The following DCHS2 variants were observed in gnomAD, a reference collection of about 807,000 sequenced individuals.
DCHS2 encodes the protein protocadherin-23.
Under a neutral mutation model 182.4 loss-of-function variants are expected in DCHS2, and 142 were observed. That is an observed-to-expected ratio of 0.78 (90% CI 0.68 to 0.89). DCHS2 has a LOEUF of 0.89. DCHS2 is among the 40% of genes least tolerant of loss of function. The pLI is 0.00. For missense variants in DCHS2, 4,319 were observed against 4,198.6 expected (o/e 1.03, Z -0.79); for synonymous variants, 1,740 against 1,663.3 (o/e 1.05, Z -1.12).
At chr4:154,263,148 A>T in intron 14 of DCHS2, among the ~76,000 whole-genome samples, 1 of 152,168 alleles carries the variant, frequency 6.6e-6, no homozygotes, top group East Asian at 1.9e-4. Context: ...TATTATACAT[A>T]TCAGTCTCAC....
At chr4:154,252,446 T>G (rs1732416167) in intron 16 of DCHS2, among the ~76,000 whole-genome samples, 2 of 152,122 alleles carry the variant, frequency 1.3e-5, no homozygotes, top group Non-Finnish European at 2.9e-5. Context: ...CCAACTATAT[T>G]TTGTAATCTT....
rs1282059507 is a variant in DCHS2 at position 154,320,387 on chromosome 4, T to C, written c.5012A>G (p.Glu1671Gly). Reference sequence around the variant, plus strand: ...CATATAGGGCACTGTACCTGATGACTCATCTAGCATAAACGTCATGTTTTC... The same window carrying C: ...CATATAGGGCACTGTACCTGATGACCCATCTAGCATAAACGTCATGTTTTC... ...GNENMTFMLD[E>G]SSGLLTTTCP... The change falls in exon 9 of 20, where the codon GAG becomes GGG. Residue 1671 changes from glutamate (E) to glycine (G), a missense_variant. Transcript: ENST00000357232. 7 of 1,613,128 alleles carry C rather than the reference T, an allele frequency of 4.3e-6. No homozygotes were observed. In the East Asian group the frequency reaches 1.6e-4, roughly 36 times the overall value.
chr4:154,445,092 C>T (rs1199251974), intron 1 of DCHS2, among the ~76,000 whole-genome samples: 1 of 152,160 alleles, frequency 6.6e-6, no homozygotes, highest in East Asian at 1.9e-4. Flanking sequence ...CGTCTCCTCA[C>T]CCTGCTTTAA....
intron 1 of DCHS2, among the ~76,000 whole-genome samples, chr4:154,423,952 A>C (rs1733214645): frequency 6.6e-6 from 1 of 152,212 alleles, no homozygotes; most frequent in Non-Finnish European, 1.5e-5. Flanking sequence ...GAGGGTCTTA[A>C]AATATCGTGG....
intron 1 of DCHS2, among the ~76,000 whole-genome samples, chr4:154,477,143 A>G (rs1735718193): frequency 6.6e-6 from 1 of 152,220 alleles, no homozygotes. Flanking sequence ...CTGAAAGTCC[A>G]AACTCAAAGT....
chr4:154,333,580 C>A, intron 4 of DCHS2, 86 bp from the exon 5 acceptor site: 1 of 1,275,388 alleles, frequency 7.8e-7, no homozygotes, highest in Non-Finnish European at 1.1e-6. Context: ...ATACAGTCAT[C>A]CACTGCCTAA....
At chr4:154,414,166 T>C (rs568257064) in intron 1 of DCHS2, among the ~76,000 whole-genome samples, 2 of 148,532 alleles carry the variant, frequency 1.3e-5, no homozygotes, top group East Asian at 2.0e-4. Context: ...AAGAAATAAA[T>C]CAAATAAATC....
At chr4:154,377,684 G>A (rs1381893177) in intron 1 of DCHS2, among the ~76,000 whole-genome samples, 4 of 151,982 alleles carry the variant, frequency 2.6e-5, no homozygotes, top group African/African-American at 4.8e-5. Flanking sequence ...CTTTTCAGAT[G>A]ATCTCTGAAA....
At chr4:154,263,324 C>T (rs1323605613) in intron 14 of DCHS2, among the ~76,000 whole-genome samples, 1 of 151,662 alleles carries the variant, frequency 6.6e-6, no homozygotes, top group South Asian at 2.1e-4. Context: ...ATATACTTGA[C>T]CAATCTTCAT....
At chr4:154,266,728 A>C (rs1232993300) in intron 14 of DCHS2, among the ~76,000 whole-genome samples, 4 of 151,838 alleles carry the variant, frequency 2.6e-5, no homozygotes, top group Admixed American at 6.6e-5. Flanking sequence ...TCCTGTGATC[A>C]TATGGGTGAC....
At chr4:154,271,028 G>C (rs967040324) in intron 13 of DCHS2, among the ~76,000 whole-genome samples, 7 of 152,134 alleles carry the variant, frequency 4.6e-5, no homozygotes. Flanking sequence ...AGACAAAAGA[G>C]AAGGAAGTCA....
chr4:154,322,047 T>C (rs533612328), intron 8 of DCHS2, among the ~76,000 whole-genome samples: 3 of 152,264 alleles, frequency 2.0e-5, no homozygotes, highest in African/African-American at 7.2e-5. Context: ...AAAAGATACC[T>C]TTTGTCCATT....
intron 9 of DCHS2, among the ~76,000 whole-genome samples, chr4:154,318,200 T>TTA (rs1014085226): frequency 5.3e-5 from 8 of 151,378 alleles, no homozygotes; most frequent in Non-Finnish European, 8.8e-5. Context: ...TGTGTCTATT[T>TTA]TATATATATA....
chr4:154,250,819 A>G (rs1191413479), intron 16 of DCHS2, among the ~76,000 whole-genome samples: 2 of 152,230 alleles, frequency 1.3e-5, no homozygotes, highest in African/African-American at 4.8e-5. Context: ...ATAAAGATAC[A>G]AACATTCGTT....
At chr4:154,398,166 T>C (rs563046040) in intron 1 of DCHS2, among the ~76,000 whole-genome samples, 2 of 152,348 alleles carry the variant, frequency 1.3e-5, no homozygotes, top group Admixed American at 1.3e-4. Flanking sequence ...CCATAAGGCC[T>C]TACACTATGA....
Position 154,240,786 on chromosome 4 carries a change from A to G in DCHS2, c.7110T>C (p.Val2370=), listed in dbSNP as rs1200655962. The G allele has an allele frequency of 1.2e-6, 2 of 1,613,718 alleles. No homozygotes were observed. Among genetic ancestry groups the G allele is most frequent in the African/African-American group, 2.7e-5 (2 of 74,934 alleles). Residue 2370 remains valine, a synonymous_variant, in exon 18 of 20, where the codon GTT becomes GTC. Coordinates refer to ENST00000357232, the MANE Select transcript of DCHS2 (RefSeq NM_001358235.2). ...LPGVIVTHVS[V]HDVDLNSAFI... ...AAGCTGAATTCAAATCCACATCATGAACTGACACATGAGTCACAATTACAC... is the reference window on the plus strand; with the variant it reads ...AAGCTGAATTCAAATCCACATCATGGACTGACACATGAGTCACAATTACAC...
At position 154,235,724 on chromosome 4, in the gene DCHS2, C is replaced by T. The variant is rs775178193; in HGVS notation, c.8928G>A (p.Val2976=). Residue 2976 remains valine (V), a synonymous_variant, in exon 20 of 20, where the codon GTG becomes GTA. Transcript: ENST00000357232. ...DSKFASCTVF[V]NVSFSSEGTP... is the part of the protein sequence containing the mutation. ...TTCCTTCAGAGGAGAAAGACACATT[C>T]ACAAAAACAGTGCAAGATGCAAACT... is the stretch of plus-strand genomic sequence containing the variant. The T allele has an allele frequency of 1.0e-4, 161 of 1,613,788 alleles. No homozygotes were observed. Among genetic ancestry groups the T allele is most frequent in the Non-Finnish European group, 1.3e-4 (159 of 1,179,856 alleles).
Position 154,315,828 on chromosome 4 carries a change from T to C in DCHS2, c.5180A>G (p.His1727Arg). 6.2e-7 allele frequency: 1 copy of C among 1,614,046 alleles called. No individual in the cohort carries two copies. Among genetic ancestry groups the C allele is most frequent in the South Asian group, 1.1e-5 (1 of 91,074 alleles). The change falls in exon 10 of 20, where the codon CAC becomes CGC. Residue 1727 changes from histidine (H) to arginine (R), a missense_variant. By Grantham distance (29) the His-to-Arg change is conservative. Transcript: ENST00000357232. ...TTCTTTCACTGAGGCTTCATACAGG[T>C]GCTGCTTAAATACTGGAGCTTCATC... ...VNDEAPVFKQ[H>R]LYEASVKENQ...
intron 1 of DCHS2, among the ~76,000 whole-genome samples, chr4:154,438,815 C>T (rs1733882388): frequency 1.3e-5 from 2 of 152,024 alleles, no homozygotes; most frequent in Non-Finnish European, 2.9e-5. Flanking sequence ...TACATGAATA[C>T]AAAGTCATTA....
Sources: gnomAD v4.1 joint callset for allele counts (sites outside exome capture counted in the v4.1 genomes callset) on GRCh38, gnomAD v4.1.1 for gene constraint, MANE v1.5 for transcripts, NCBI Gene and HGNC (gene_info 2026-07-23, HGNC 2026-07-21) for gene names.